Variants in TMTC3 observed in about 807,000 individuals in gnomAD.
The protein encoded by TMTC3 is protein O-mannosyl-transferase TMTC3.
Under a neutral mutation model 92.2 loss-of-function variants are expected in TMTC3, and 52 were observed. The observed-to-expected ratio is 0.56, with a 90% CI of 0.45 to 0.71. The LOEUF is 0.71. TMTC3 is among the 30% of genes least tolerant of loss of function. The pLI is 0.00. For synonymous variants in TMTC3, 339 were observed against 363.3 expected (o/e 0.93, Z 0.76); for missense variants, 896 against 1,057.1 (o/e 0.85, Z 2.11).
Position 88,176,255 on chromosome 12 carries a change from G to A in TMTC3, c.1368G>A (p.Leu456=), listed in dbSNP as rs1007236507. 1 of 1,611,926 alleles carries A rather than the reference G, an allele frequency of 6.2e-7. No individual in the cohort carries two copies. The highest frequency in any genetic ancestry group is 8.5e-7 in the Non-Finnish European group (1 of 1,179,038). ...TTTGGAATAATGTGGGTCATGCTCTGGAAAATGAAAAGAACTTTGAGAGAG... is the reference window on the plus strand; with the variant it reads ...TTTGGAATAATGTGGGTCATGCTCTAGAAAATGAAAAGAACTTTGAGAGAG... ...AKLWNNVGHA[L]ENEKNFERAL... The change falls in exon 10 of 14, where the codon CTG becomes CTA. Residue 456 remains leucine (L), a synonymous_variant. Transcript: ENST00000266712.
In TMTC3 at chr12:88,184,775, A is replaced by AAT. The variant is rs143465873; in HGVS notation, c.1433-4054_1433-4053dup. ...AGTAAACAAATACACACCACATGTA[A>AAT]ATATATATATATATACACACACACA... On this transcript the variant is annotated intron_variant, in intron 10 of 13. Coordinates refer to ENST00000266712, the MANE Select transcript of TMTC3 (RefSeq NM_181783.4). Among the ~76,000 whole-genome samples, 1,064 of 151,098 alleles carry AAT rather than the reference A, an allele frequency of 7.0e-3. 12 individuals carry two copies. Among genetic ancestry groups the AAT allele is most frequent in the African/African-American group, 0.024 (997 of 41,274 alleles).
intron 2 of TMTC3, among the ~76,000 whole-genome samples, chr12:88,149,161 A>T (rs1414301488): frequency 6.6e-6 from 1 of 152,144 alleles, no homozygotes; most frequent in Non-Finnish European, 1.5e-5. Context: ...CTTACATAAT[A>T]GTTATTTAGG....
At chr12:88,164,356 A>G (rs1309247014) in intron 6 of TMTC3, among the ~76,000 whole-genome samples, 2 of 152,000 alleles carry the variant, frequency 1.3e-5, no homozygotes, top group African/African-American at 4.8e-5. Flanking sequence ...CTCTCAATTC[A>G]GTATACCACT....
In TMTC3 at chr12:88,195,493, TAATA is replaced by T; in HGVS notation, c.2592_2595del (p.Asn864LysfsTer10). On this transcript the variant is annotated frameshift_variant, in exon 14 of 14. Transcript: ENST00000266712. LOFTEE classifies it high-confidence loss of function. ...AAACACAAATAGTAAAAACAAGTGATAATAAAAGTCAGTCTAAATCCAACAAACA... is the reference window on the plus strand; with the variant it reads ...AAACACAAATAGTAAAAACAAGTGATAAAGTCAGTCTAAATCCAACAAACA... 6.2e-7 allele frequency: 1 copy of T among 1,612,938 alleles called. No individual in the cohort carries two copies. Among genetic ancestry groups the T allele is most frequent in the South Asian group, 1.1e-5 (1 of 90,864 alleles).
rs2041510995 is a variant in TMTC3 at position 88,196,268 on chromosome 12, AT to A, written c.*624del. On this transcript the variant is annotated 3_prime_UTR_variant, in exon 14 of 14. Transcript: ENST00000266712. ...ATACTTGTTTTTAACTTTAAATGTA[AT>A]TTTTAATCAGGTAAAGTTTGACACA... The A allele has an allele frequency of 6.6e-6, 1 of 152,458 alleles. No homozygotes were observed. The highest frequency in any genetic ancestry group is 6.6e-5 in the Admixed American group (1 of 15,256). 9.4% of individuals were successfully genotyped at this position (152,458 alleles called of 1,614,324 possible).
Position 88,188,809 on chromosome 12 carries a change from T to C in TMTC3, c.1433-34T>C, listed in dbSNP as rs370122230. The C allele has an allele frequency of 2.7e-4, 300 of 1,112,886 alleles. 1 individual carries two copies. The highest frequency in any genetic ancestry group is 6.1e-5 in the Non-Finnish European group (46 of 748,654). The allele number at this position is 1,112,886 out of a possible 1,614,324, so 68.9% of individuals were successfully genotyped here. A position where few individuals can be genotyped will look rare whatever the true frequency, so the allele number is the denominator to read the frequency against. ...GAGTATATTGAATATATCAGTTGTA[T>C]ACTTGCCAACAAATGATTGTTTTAA... is the stretch of plus-strand genomic sequence containing the variant. On this transcript the variant is annotated intron_variant, in intron 10 of 13. Coordinates refer to ENST00000266712, the MANE Select transcript of TMTC3 (RefSeq NM_181783.4).
chr12:88,192,028 CT>C (rs112229647), intron 12 of TMTC3, among the ~76,000 whole-genome samples: 46 of 122,954 alleles, frequency 3.7e-4, no homozygotes, highest in South Asian at 7.8e-4. Flanking sequence ...TTTTTTTTTT[CT>C]TTTTTTTTTT....
Position 88,166,344 on chromosome 12 carries a change from C to T in TMTC3, c.812C>T (p.Ala271Val). The T allele has an allele frequency of 6.2e-7, 1 of 1,613,556 alleles. No individual in the cohort carries two copies. Among genetic ancestry groups the T allele is most frequent in the Non-Finnish European group, 8.5e-7 (1 of 1,179,742 alleles). Residue 271 changes from alanine to valine, a missense_variant, in exon 7 of 14, where the codon GCT (alanine) becomes GTT (valine). Transcript: ENST00000266712. ...LPVFTRFDNPAAVSPTPTRQL... is the reference protein window; with the variant it reads ...LPVFTRFDNPVAVSPTPTRQL... ...CCTTTATACAGGTTTGATAACCCAG[C>T]TGCTGTAAGCCCAACTCCTACAAGG...
chr12:88,148,002 C>G (rs374924483), intron 1 of TMTC3, among the ~76,000 whole-genome samples: 17 of 152,030 alleles, frequency 1.1e-4, no homozygotes, highest in African/African-American at 4.1e-4. Flanking sequence ...TTTAAATAAT[C>G]CACAGAGGAA....
chr12:88,159,175 G>A (rs1011121748), intron 4 of TMTC3, among the ~76,000 whole-genome samples: 1 of 151,040 alleles, frequency 6.6e-6, no homozygotes, highest in African/African-American at 2.4e-5. Context: ...GAAAACTGAA[G>A]CCTGGAAAAG....
chr12:88,182,006 C>T (rs2041323471), intron 10 of TMTC3, among the ~76,000 whole-genome samples: 1 of 152,200 alleles, frequency 6.6e-6, no homozygotes, highest in East Asian at 1.9e-4. Flanking sequence ...TTAGAGAGTG[C>T]TATCTGAAGA....
At chr12:88,168,366 A>T (rs1175797185) in intron 7 of TMTC3, among the ~76,000 whole-genome samples, 2 of 84,736 alleles carry the variant, frequency 2.4e-5, no homozygotes, top group Non-Finnish European at 5.4e-5. Context: ...GTTTCAAAGG[A>T]TGGGATAAAC....
intron 11 of TMTC3, 106 bp downstream of exon 11, chr12:88,189,052 A>C: frequency 1.4e-6 from 1 of 691,490 alleles, no homozygotes; most frequent in Non-Finnish European, 2.4e-6. Flanking sequence ...AGTTGATATA[A>C]AAGTAAGTTT....
intron 10 of TMTC3, among the ~76,000 whole-genome samples, chr12:88,187,123 A>G (rs2041386290): frequency 6.6e-6 from 1 of 151,608 alleles, no homozygotes; most frequent in Non-Finnish European, 1.5e-5. Flanking sequence ...CTTTTCCTAA[A>G]TAACATTCTG....
intron 10 of TMTC3, among the ~76,000 whole-genome samples, chr12:88,177,580 T>C (rs923652341): frequency 2.6e-5 from 4 of 152,072 alleles, no homozygotes; most frequent in African/African-American, 9.7e-5. Flanking sequence ...GGTTTCTGAG[T>C]AGGATGTAGC....
At chr12:88,146,012 C>G (rs928813837) in intron 1 of TMTC3, among the ~76,000 whole-genome samples, 2 of 152,188 alleles carry the variant, frequency 1.3e-5, no homozygotes, top group African/African-American at 4.8e-5. Flanking sequence ...ATCTGTAAGT[C>G]TGCTTCTGTG....
rs1202149963 is a variant in TMTC3, at chr12:88,186,242, C to T, written c.1433-2601C>T. On this transcript the variant is annotated intron_variant, in intron 10 of 13. Transcript: ENST00000266712. ...TGAACCAGTGTCTAATAACTACTGT[C>T]ATTTCAAATAAATGGTGACTGTAAA... Among the ~76,000 whole-genome samples, 6 of 152,232 alleles carry T rather than the reference C, an allele frequency of 3.9e-5. No individual in the cohort carries two copies. In the East Asian group the frequency reaches 1.2e-3, roughly 29 times the overall value.
At chr12:88,190,691 G>T (rs1170691088) in intron 12 of TMTC3, 69 bp downstream of exon 12, 2 of 1,473,496 alleles carry the variant, frequency 1.4e-6, no homozygotes, top group Non-Finnish European at 1.8e-6. Flanking sequence ...CATTTTGAAT[G>T]AATTGGTTTT....
chr12:88,163,424 TTG>T lies in TMTC3; in HGVS notation c.797+2575_797+2576del, dbSNP rs376955351. On this transcript the variant is annotated intron_variant, in intron 6 of 13. Coordinates refer to ENST00000266712, the MANE Select transcript of TMTC3 (RefSeq NM_181783.4). The stretch of plus-strand genomic sequence containing the variant: ...ATGCATTCAGGAGGTTTTTGCCTGA[TTG>T]TATTAGTTTTCTGAAGGCTGCTGTA... 1.4e-3 allele frequency among the ~76,000 whole-genome samples: 220 copies of T among 152,300 alleles called. 1 individual carries two copies. In the Middle Eastern group the frequency reaches 0.037, roughly 26 times the overall value.
Sources: gnomAD v4.1 joint callset for allele counts (sites outside exome capture counted in the v4.1 genomes callset) on GRCh38, gnomAD v4.1.1 for gene constraint, MANE v1.5 for transcripts, NCBI Gene and HGNC (gene_info 2026-07-23, HGNC 2026-07-21) for gene names.